SHE: variants seen among roughly 807,000 people sequenced by gnomAD.
SHE encodes Src homology 2 domain containing E.
In SHE, 11 loss-of-function variants were observed where a neutral mutation model predicts 49.8. The observed-to-expected ratio is 0.22, with a 90% confidence interval of 0.14 to 0.37. The LOEUF (loss-of-function observed/expected upper bound fraction) is 0.37, where lower values mean the gene tolerates loss of function less well. SHE is among the 10% of genes least tolerant of loss of function. The pLI, the probability that SHE is intolerant of heterozygous loss-of-function variation, is 1.00. For missense variants in SHE, 624 were observed against 655.5 expected (o/e 0.95, Z 0.52); for synonymous variants, 310 against 278.1 (o/e 1.11, Z -1.14).
intron 1 of SHE, among the ~76,000 whole-genome samples, chr1:154,473,835 T>C (rs1297230536): frequency 6.6e-6 from 1 of 152,002 alleles, no homozygotes; most frequent in African/African-American, 2.4e-5. Flanking sequence ...AAATAACGGC[T>C]ACCATTTACT....
At chr1:154,470,107 C>T (rs1691706248) in exon 2 of SHE, 1 of 355,934 alleles carries the variant, frequency 2.8e-6, no homozygotes, top group Admixed American at 3.8e-5. Context: ...AGCCACAGGA[C>T]AGGTGATGGT....
In SHE at chr1:154,502,258, C is replaced by G; in HGVS notation, c.-232G>C. 1 of 233,996 alleles carries G rather than the reference C, an allele frequency of 4.3e-6. No individual in the cohort carries two copies. The highest frequency in any genetic ancestry group is 1.8e-4 in the South Asian group (1 of 5,638). The allele number at this position is 233,996 out of a possible 1,614,324, so 14.5% of individuals were successfully genotyped here. On this transcript the variant is annotated 5_prime_UTR_variant, in exon 1 of 6. Transcript: ENST00000304760. ...CCCGGCCCGAGGACACCGTGGCTCT[C>G]GGAGGCGGCGGGCGCCGGGGGCTTC...
chr1:154,472,300 G>A (rs961433963), intron 1 of SHE, among the ~76,000 whole-genome samples: 1 of 152,222 alleles, frequency 6.6e-6, no homozygotes, highest in African/African-American at 2.4e-5. Context: ...GCACCTGCAC[G>A]CACCACTCAC....
chr1:154,493,154 T>A (rs1398005928), intron 2 of SHE, among the ~76,000 whole-genome samples: 1 of 152,254 alleles, frequency 6.6e-6, no homozygotes, highest in Non-Finnish European at 1.5e-5. Context: ...GAGTTGAGAA[T>A]GCTTTCTTGC....
chr1:154,477,926 A>G (rs1463000991), downstream of SHE, among the ~76,000 whole-genome samples: 1 of 151,660 alleles, frequency 6.6e-6, no homozygotes, highest in Admixed American at 6.6e-5. Context: ...AAAGAAAAGA[A>G]AACTCTGCAC....
chr1:154,496,938 C>CT lies in SHE; in HGVS notation c.718+2173dup, dbSNP rs975362706. ...AGGTGAATCACAATTAAGCATAAAA[C>CT]TTTTTTTTTTAAGAAAATCCTTTTC... On this transcript the variant is annotated intron_variant, in intron 2 of 5. Transcript: ENST00000304760. 2.3e-3 allele frequency among the ~76,000 whole-genome samples: 340 copies of CT among 149,524 alleles called. 1 individual carries two copies. Among genetic ancestry groups the CT allele is most frequent in the African/African-American group, 7.8e-3 (316 of 40,762 alleles).
chr1:154,500,168 T>C (rs944366468), intron 1 of SHE, among the ~76,000 whole-genome samples: 3 of 152,152 alleles, frequency 2.0e-5, no homozygotes, highest in African/African-American at 7.2e-5. Flanking sequence ...ACCATAAAAA[T>C]AACCAGACAA....
intron 1 of SHE, among the ~76,000 whole-genome samples, chr1:154,471,569 C>T (rs1691743255): frequency 6.6e-6 from 1 of 151,996 alleles, no homozygotes; most frequent in African/African-American, 2.4e-5. Flanking sequence ...AAGACCTTGT[C>T]TCAAAAAAGA....
At chr1:154,491,836 G>A (rs1414776862) in intron 2 of SHE, among the ~76,000 whole-genome samples, 2 of 152,118 alleles carry the variant, frequency 1.3e-5, no homozygotes, top group Admixed American at 6.6e-5. Flanking sequence ...AGAAAAGGAC[G>A]GCAGATTGAA....
In SHE at chr1:154,499,151, C is replaced by T. The variant is rs1282515290; in HGVS notation, c.679G>A (p.Gly227Ser). The change falls in exon 2 of 6, where the codon GGT (glycine) becomes AGT (serine). Residue 227 changes from glycine to serine, a missense_variant. Physicochemically the swap from Gly to Ser is moderately conservative, Grantham distance 56. Around this residue, in one of 4 missense-constraint regions of SHE, gnomAD observed 7 missense variants for 25.7 expected, o/e 0.27. Transcript: ENST00000304760. ...RDAERVGENDGYMEPYDAQQM... is the reference protein window; with the variant it reads ...RDAERVGENDSYMEPYDAQQM... ...TGTGCATCATATGGTTCCATGTAAC[C>T]GTCGTTCTCTCCGACTCTCTCTGCA... 6.2e-6 allele frequency: 10 copies of T among 1,614,010 alleles called. No individual in the cohort carries two copies. The highest frequency in any genetic ancestry group is 1.3e-5 in the African/African-American group (1 of 74,910).
chr1:154,486,179 C>A, intron 4 of SHE, 117 bp from the exon 5 acceptor site: 1 of 1,366,472 alleles, frequency 7.3e-7, no homozygotes, highest in Admixed American at 1.9e-5. Context: ...ACGCAACAGC[C>A]TGAACTAGAT....
chr1:154,475,484 G>A (rs1314938082), downstream of SHE, among the ~76,000 whole-genome samples: 6 of 152,208 alleles, frequency 3.9e-5, no homozygotes, highest in Middle Eastern at 3.2e-3. Flanking sequence ...ACCATGCCCA[G>A]CCAAACCTCT....
chr1:154,496,771 C>T lies in SHE; in HGVS notation c.718+2341G>A, dbSNP rs539281028. 9.2e-5 allele frequency among the ~76,000 whole-genome samples: 14 copies of T among 151,626 alleles called. No homozygotes were observed. The East Asian group carries it at 2.7e-3, about 29-fold the overall frequency. ...TTACATGAAAAAAAAAACAAAAAAA[C>T]CCCCCAAAATTATATTCATTTTTAT... On this transcript the variant is annotated intron_variant, in intron 2 of 5. Transcript: ENST00000304760.
intron 1 of SHE, among the ~76,000 whole-genome samples, chr1:154,473,423 C>T (rs1691799048): frequency 6.6e-6 from 1 of 151,036 alleles, no homozygotes; most frequent in Admixed American, 6.6e-5. Context: ...TGCAGTGAGC[C>T]GTGATAGTAC....
In SHE at chr1:154,502,066, G is replaced by A. The variant is rs1692799591; in HGVS notation, c.-40C>T. ...GCGCTGGAGGCCGCGGCGAGGCCCC[G>A]CGACGGCTGCTCCGTGCGCCCCCGG... On this transcript the variant is annotated 5_prime_UTR_variant, in exon 1 of 6. Transcript: ENST00000304760. 2.4e-6 allele frequency: 3 copies of A among 1,254,870 alleles called. No homozygotes were observed. In the South Asian group the frequency reaches 9.7e-5, roughly 41 times the overall value. 77.7% of individuals were successfully genotyped at this position (1,254,870 alleles called of 1,614,324 possible).
Position 154,482,363 on chromosome 1 carries a change from C to G in SHE, c.*1786G>C. 1.0e-6 allele frequency: 1 copy of G among 985,296 alleles called. No individual in the cohort carries two copies. Among genetic ancestry groups the G allele is most frequent in the Non-Finnish European group, 1.2e-6 (1 of 829,900 alleles). The allele number at this position is 985,296 out of a possible 1,614,324, so 61.0% of individuals were successfully genotyped here. A position where few individuals can be genotyped will look rare whatever the true frequency, so the allele number is the denominator to read the frequency against. ...TGTGTTCCAGTGAGGAAAAGTTCCT[C>G]TTAAATTTTTAAAATCAAAGATCAC... is the stretch of plus-strand genomic sequence containing the variant. On this transcript the variant is annotated 3_prime_UTR_variant, in exon 6 of 6. Coordinates refer to ENST00000304760, the MANE Select transcript of SHE (RefSeq NM_001010846.3).
At position 154,502,139 on chromosome 1, in the gene SHE, C is replaced by G; in HGVS notation, c.-113G>C. 1 of 884,634 alleles carries G rather than the reference C, an allele frequency of 1.1e-6. No homozygotes were observed. 54.8% of individuals were successfully genotyped at this position (884,634 alleles called of 1,614,324 possible). ...AGGGTGGGGTTCTCACGGCTCGGGG[C>G]GCCGAGCGGGCGGGCGCTAGCCTCT... On this transcript the variant is annotated 5_prime_UTR_variant, in exon 1 of 6. Transcript: ENST00000304760.
chr1:154,498,345 C>T (rs1452910756), intron 2 of SHE, among the ~76,000 whole-genome samples: 1 of 151,606 alleles, frequency 6.6e-6, no homozygotes, highest in Admixed American at 6.6e-5. Context: ...ATCCGCCCAC[C>T]TTGACCTCCC....
chr1:154,470,378 A>C, intron 1 of SHE: 1 of 1,289,216 alleles, frequency 7.8e-7, no homozygotes, highest in Non-Finnish European at 1.0e-6. Context: ...GAGGATGGCA[A>C]GGAATATGCA....
Sources: gnomAD v4.1 joint callset for allele counts (sites outside exome capture counted in the v4.1 genomes callset) on GRCh38, gnomAD v4.1.1 for gene constraint, gnomAD v4.1.1 regional missense constraint, MANE v1.5 for transcripts, NCBI Gene and HGNC (gene_info 2026-07-23, HGNC 2026-07-21) for gene names.